Variants in KIF6 observed in about 807,000 individuals in gnomAD.
The protein encoded by KIF6 is kinesin-like protein KIF6.
A neutral mutation model predicts 112.7 loss-of-function variants in KIF6; 106 were observed. The ratio of observed to expected loss-of-function variants is 0.94; its 90% CI spans 0.80 to 1.11. The LOEUF (loss-of-function observed/expected upper bound fraction) is 1.11. Ranked by LOEUF, KIF6 falls within the 50% of genes least tolerant of loss-of-function variation. The pLI, the probability that KIF6 is intolerant of heterozygous loss-of-function variation, is 0.00. For synonymous variants in KIF6, 339 were observed against 339.9 expected, an observed-to-expected ratio of 1.00 and a Z score of 0.03; for missense variants, 929 against 964.0, an observed-to-expected ratio of 0.96 and a Z score of 0.48.
chr6:39,425,459 G>T (rs1770697894), intron 14 of KIF6, among the ~76,000 whole-genome samples: 1 of 151,906 alleles, frequency 6.6e-6, no homozygotes, highest in Non-Finnish European at 1.5e-5. Context: ...TTTAAAAAAT[G>T]CTAGTATTCC....
intron 7 of KIF6, among the ~76,000 whole-genome samples, chr6:39,592,015 G>C (rs991687931): frequency 3.9e-5 from 6 of 152,164 alleles, no homozygotes; most frequent in Admixed American, 3.3e-4. Context: ...GGGAGGCTGA[G>C]GCAGGAGAAT....
intron 3 of KIF6, 29 bp from the exon 4 acceptor site, chr6:39,639,786 T>C (rs1784814061): frequency 6.3e-7 from 1 of 1,597,660 alleles, no homozygotes; most frequent in Non-Finnish European, 8.5e-7. Context: ...ACACTTTCAA[T>C]ATCAACATGG....
At chr6:39,721,554 A>C (rs1280606955) in intron 1 of KIF6, among the ~76,000 whole-genome samples, 1 of 152,170 alleles carries the variant, frequency 6.6e-6, no homozygotes, top group African/African-American at 2.4e-5. Flanking sequence ...CAGGAAAATT[A>C]AAAGTCAAGC....
At chr6:39,431,396 G>C (rs748263692) in intron 13 of KIF6, 1 of 386,260 alleles carries the variant, frequency 2.6e-6, no homozygotes, top group African/African-American at 2.0e-5. Flanking sequence ...CATGTGACTC[G>C]TGGGGGGCGG....
chr6:39,484,714 A>C (rs1448287975), intron 13 of KIF6, among the ~76,000 whole-genome samples: 1 of 152,242 alleles, frequency 6.6e-6, no homozygotes, highest in East Asian at 1.9e-4. Flanking sequence ...CACCTGGACT[A>C]TAAACCTTGG....
chr6:39,709,220 A>G (rs1490027114), intron 3 of KIF6, among the ~76,000 whole-genome samples: 1 of 152,182 alleles, frequency 6.6e-6, no homozygotes, highest in Non-Finnish European at 1.5e-5. Flanking sequence ...AGTCCTATAC[A>G]GCTTTGGTCC....
intron 5 of KIF6, among the ~76,000 whole-genome samples, chr6:39,621,973 C>T (rs1171082882): frequency 6.6e-6 from 1 of 151,994 alleles, no homozygotes; most frequent in East Asian, 1.9e-4. Context: ...CAAGACCAGC[C>T]TGGCCAACAT....
chr6:39,355,746 G>A (rs1421631568), intron 19 of KIF6, among the ~76,000 whole-genome samples: 2 of 151,076 alleles, frequency 1.3e-5, no homozygotes, highest in African/African-American at 4.9e-5. Context: ...ACAAGCATGA[G>A]CCACCACGCC....
intron 13 of KIF6, among the ~76,000 whole-genome samples, chr6:39,479,496 G>A (rs1774661581): frequency 6.6e-6 from 1 of 152,074 alleles, no homozygotes; most frequent in Admixed American, 6.6e-5. Context: ...TTTGGTGACT[G>A]TGGCCTTACA....
intron 13 of KIF6, among the ~76,000 whole-genome samples, chr6:39,516,195 C>A (rs1319886069): frequency 6.6e-6 from 1 of 151,952 alleles, no homozygotes; most frequent in Non-Finnish European, 1.5e-5. Context: ...ACACAGGGCT[C>A]TGGTACAGAG....
intron 7 of KIF6, among the ~76,000 whole-genome samples, chr6:39,594,851 T>C (rs535994853): frequency 1.3e-5 from 2 of 151,548 alleles, no homozygotes; most frequent in African/African-American, 4.8e-5. Context: ...TATTTTATTA[T>C]TTTTTTTTAG....
chr6:39,615,250 C>A (rs764842252), intron 5 of KIF6, among the ~76,000 whole-genome samples: 1 of 151,746 alleles, frequency 6.6e-6, no homozygotes, highest in African/African-American at 2.4e-5. Context: ...AGCATGAAGT[C>A]AAAAACGAAT....
rs1223492900 is a variant in KIF6, at chr6:39,701,140, T to C, written c.251+13552A>G. 2.0e-5 allele frequency among the ~76,000 whole-genome samples: 3 copies of C among 152,276 alleles called. No individual in the cohort carries two copies. In the East Asian group the frequency reaches 5.8e-4, roughly 29 times the overall value. On this transcript the variant is annotated intron_variant, in intron 3 of 22. Transcript: ENST00000287152. The stretch of plus-strand genomic sequence containing the variant: ...TATTGCGATGTTAACATGCACACTT[T>C]AATTTTGTAATAATTTACTGATTAA...
At chr6:39,506,981 G>A (rs1308925876) in intron 13 of KIF6, among the ~76,000 whole-genome samples, 2 of 152,132 alleles carry the variant, frequency 1.3e-5, no homozygotes, top group African/African-American at 4.8e-5. Flanking sequence ...CTTCCACTTG[G>A]CTATTCCTGA....
At chr6:39,400,194 T>G (rs1299603138) in intron 15 of KIF6, among the ~76,000 whole-genome samples, 1 of 152,150 alleles carries the variant, frequency 6.6e-6, no homozygotes, top group Non-Finnish European at 1.5e-5. Flanking sequence ...CTGGGACATG[T>G]GGGACTCATT....
chr6:39,441,604 G>A (rs550559407), intron 13 of KIF6, among the ~76,000 whole-genome samples: 2 of 152,252 alleles, frequency 1.3e-5, no homozygotes, highest in South Asian at 4.1e-4. Flanking sequence ...GGGTTGCTGC[G>A]CTGGTACCGC....
At chr6:39,625,364 T>C (rs745633986) in intron 5 of KIF6, among the ~76,000 whole-genome samples, 4 of 152,222 alleles carry the variant, frequency 2.6e-5, no homozygotes, top group Non-Finnish European at 5.9e-5. Context: ...TGTGGAATTA[T>C]GTCATTTTCG....
chr6:39,374,575 G>A (rs1766280180), intron 16 of KIF6, among the ~76,000 whole-genome samples: 1 of 152,076 alleles, frequency 6.6e-6, no homozygotes, highest in Admixed American at 6.6e-5. Context: ...GGACCTGAAC[G>A]GAGATTTCTC....
intron 13 of KIF6, among the ~76,000 whole-genome samples, chr6:39,511,417 G>T (rs1776771853): frequency 6.6e-6 from 1 of 152,184 alleles, no homozygotes; most frequent in African/African-American, 2.4e-5. Flanking sequence ...AGTTAGAATG[G>T]TGACCATTAA....
Sources: gnomAD v4.1 joint callset for allele counts (sites outside exome capture counted in the v4.1 genomes callset) on GRCh38, gnomAD v4.1.1 for gene constraint, MANE v1.5 for transcripts, NCBI Gene and HGNC (gene_info 2026-07-23, HGNC 2026-07-21) for gene names.